TRHDE: variants seen among roughly 807,000 people sequenced by gnomAD.
The protein encoded by TRHDE is thyrotropin releasing hormone degrading enzyme.
A neutral mutation model predicts 125.7 loss-of-function variants in TRHDE; 72 were observed. That is an observed-to-expected ratio of 0.57 (90% CI 0.47 to 0.70). The LOEUF is 0.70. Among genes scored for constraint, TRHDE ranks in the 30% least tolerant of loss-of-function variants. The probability of loss-of-function intolerance (pLI) is 0.00; values close to 1 mark genes in which losing one functional copy is unlikely to be tolerated. For missense variants in TRHDE, 1,110 were observed against 1,327.1 expected (o/e 0.84, Z 2.54); for synonymous variants, 509 against 509.1 (o/e 1.00, Z 0.00).
intron 3 of TRHDE, among the ~76,000 whole-genome samples, chr12:72,409,061 G>A (rs1355607006): frequency 6.6e-6 from 1 of 152,086 alleles, no homozygotes; most frequent in Non-Finnish European, 1.5e-5. Context: ...AAGCATGACA[G>A]GTGGAAAGAA....
Position 72,366,921 on chromosome 12 carries a change from A to T in TRHDE, c.1189-11074A>T, listed in dbSNP as rs575696258. Among the ~76,000 whole-genome samples, 10 of 152,232 alleles carry T rather than the reference A, an allele frequency of 6.6e-5. No homozygotes were observed. The East Asian group carries it at 1.9e-3, about 30-fold the overall frequency. ...TTGACCTCAGTAAAGAAGTCTAAGT[A>T]ATCGTTCTCAAAATATTCATTATAT... is the stretch of plus-strand genomic sequence containing the variant. On this transcript the variant is annotated intron_variant, in intron 2 of 18. Transcript: ENST00000261180.
intron 7 of TRHDE, among the ~76,000 whole-genome samples, chr12:72,557,307 C>A (rs188569012): frequency 2.0e-5 from 3 of 152,106 alleles, no homozygotes; most frequent in African/African-American, 7.2e-5. Context: ...TAGCCATGAA[C>A]CTGAGAAGCC....
chr12:72,464,019 G>C (rs1042951668), intron 3 of TRHDE, among the ~76,000 whole-genome samples: 1 of 152,046 alleles, frequency 6.6e-6, no homozygotes. Flanking sequence ...TTCCCTAGAG[G>C]GCAAAACAAA....
intron 3 of TRHDE, among the ~76,000 whole-genome samples, chr12:72,378,619 C>G (rs1404674409): frequency 2.0e-5 from 3 of 152,126 alleles, no homozygotes; most frequent in Non-Finnish European, 4.4e-5. Context: ...GTTTCTCCTT[C>G]CAAATTTTCA....
chr12:72,208,246 C>T (rs1347705534), intron 2 of TRHDE, among the ~76,000 whole-genome samples: 3 of 152,068 alleles, frequency 2.0e-5, no homozygotes, highest in Non-Finnish European at 2.9e-5. Context: ...TTACACAGTT[C>T]AGACATTCAA....
chr12:72,317,215 A>G (rs1868844001), intron 2 of TRHDE, among the ~76,000 whole-genome samples: 1 of 152,184 alleles, frequency 6.6e-6, no homozygotes, highest in African/African-American at 2.4e-5. Flanking sequence ...TAAAATTCAT[A>G]GTTTTTCTAC....
chr12:72,317,867 CA>C, intron 2 of TRHDE, among the ~76,000 whole-genome samples: 1 of 152,124 alleles, frequency 6.6e-6, no homozygotes, highest in South Asian at 2.1e-4. Context: ...GTAAGACGTT[CA>C]AGATGAGTGG....
chr12:72,319,638 G>C (rs1245940996), intron 2 of TRHDE, among the ~76,000 whole-genome samples: 1 of 152,114 alleles, frequency 6.6e-6, no homozygotes, highest in African/African-American at 2.4e-5. Flanking sequence ...GATTTTCTGA[G>C]TACTTGGACC....
intron 10 of TRHDE, among the ~76,000 whole-genome samples, chr12:72,574,563 T>C (rs539155728): frequency 8.5e-5 from 13 of 152,220 alleles, no homozygotes; most frequent in East Asian, 3.9e-4. Flanking sequence ...GAGTTAAATA[T>C]GTAAGAAGTT....
Position 72,663,040 on chromosome 12 carries a change from TTC to T in TRHDE, c.3067-8_3067-7del. 6.3e-7 allele frequency: 1 copy of T among 1,598,070 alleles called. No individual in the cohort carries two copies. Among genetic ancestry groups the T allele is most frequent in the Non-Finnish European group, 8.5e-7 (1 of 1,173,050 alleles). ...ACAGGCAGATTTACCATTTAAAAAT[TTC>T]TCTTTCCAGCTCAAGAACTTCATGA... On this transcript the variant is annotated splice_polypyrimidine_tract_variant and intron_variant, in intron 18 of 18. Transcript: ENST00000261180.
intron 2 of TRHDE, among the ~76,000 whole-genome samples, chr12:72,331,953 G>C (rs1452802222): frequency 6.6e-6 from 1 of 152,140 alleles, no homozygotes; most frequent in African/African-American, 2.4e-5. Context: ...CCAGAGGCTG[G>C]GTAATTTATA....
chr12:72,534,404 C>T (rs1012915207), intron 6 of TRHDE, among the ~76,000 whole-genome samples: 3 of 151,944 alleles, frequency 2.0e-5, no homozygotes, highest in African/African-American at 4.8e-5. Flanking sequence ...TATGGTCCTC[C>T]TTGAATACCT....
chr12:72,611,047 C>T, intron 12 of TRHDE: 1 of 161,310 alleles, frequency 6.2e-6, no homozygotes, highest in Non-Finnish European at 1.4e-5. Context: ...GACTTAGTGG[C>T]AAAGCAGCAG....
intron 2 of TRHDE, among the ~76,000 whole-genome samples, chr12:72,311,770 C>A (rs1199551759): frequency 6.6e-6 from 1 of 152,068 alleles, no homozygotes; most frequent in Non-Finnish European, 1.5e-5. Context: ...GGAGAAAAAA[C>A]AGGCAAAATG....
chr12:72,234,110 G>T (rs1878296923), intron 2 of TRHDE, among the ~76,000 whole-genome samples: 1 of 152,136 alleles, frequency 6.6e-6, no homozygotes, highest in Non-Finnish European at 1.5e-5. Flanking sequence ...TTATTGTAAA[G>T]CTTGCTGATG....
At chr12:72,493,412 G>A (rs1292721565) in intron 5 of TRHDE, among the ~76,000 whole-genome samples, 3 of 151,900 alleles carry the variant, frequency 2.0e-5, no homozygotes, top group Non-Finnish European at 4.4e-5. Context: ...ATAAAATAGA[G>A]CTAAGTTTTA....
intron 2 of TRHDE, among the ~76,000 whole-genome samples, chr12:72,132,165 G>C (rs546875793): frequency 2.0e-5 from 3 of 152,110 alleles, no homozygotes; most frequent in African/African-American, 7.2e-5. Flanking sequence ...TGCAGCCTGC[G>C]CTACCTTAAG....
At chr12:72,429,380 A>C (rs1340864695) in intron 3 of TRHDE, among the ~76,000 whole-genome samples, 1 of 145,980 alleles carries the variant, frequency 6.9e-6, no homozygotes, top group Non-Finnish European at 1.5e-5. Context: ...TAATTTACAG[A>C]GAAGGAAATT....
chr12:72,562,884 T>A lies in TRHDE; in HGVS notation c.1886T>A (p.Ile629Lys). 6.3e-7 allele frequency: 1 copy of A among 1,588,800 alleles called. No individual in the cohort carries two copies. Among genetic ancestry groups the A allele is most frequent in the Non-Finnish European group, 8.5e-7 (1 of 1,172,380 alleles). The change falls in exon 9 of 19, where the codon ATA (isoleucine) becomes AAA (lysine). Residue 629 changes from isoleucine (I) to lysine (K), a missense_variant. This residue lies in a region of TRHDE where 527 missense variants were observed against 651.8 expected (regional missense o/e 0.81). Coordinates refer to ENST00000261180, the MANE Select transcript of TRHDE (RefSeq NM_013381.3). ...AAAAGAAATGGGAAATATGTAAATA[T>A]ACAAGAAGTAATGGATCAGTGGACA... Reference protein sequence around the residue: ...ALKRNGKYVNIQEVMDQWTLQ... With the variant: ...ALKRNGKYVNKQEVMDQWTLQ...
Sources: allele counts gnomAD v4.1 joint callset (sites outside exome capture counted in the v4.1 genomes callset), GRCh38; gene constraint gnomAD v4.1.1; regional missense constraint gnomAD v4.1.1; transcripts MANE v1.5; gene names NCBI Gene and HGNC (gene_info 2026-07-23, HGNC 2026-07-21).